RIPOR2: variants seen among roughly 807,000 people sequenced by gnomAD.
RIPOR2 encodes RHO family interacting cell polarization regulator 2.
In RIPOR2, 39 loss-of-function variants were observed where a neutral mutation model predicts 114.5. That is an observed-to-expected ratio of 0.34 (90% CI 0.26 to 0.44). RIPOR2 has a LOEUF of 0.44. Among genes scored for constraint, RIPOR2 ranks in the 20% least tolerant of loss-of-function variants. The pLI is 1.00. For synonymous variants in RIPOR2, 445 were observed against 484.4 expected, an observed-to-expected ratio of 0.92 and a Z score of 1.07; for missense variants, 1,007 against 1,255.1, an observed-to-expected ratio of 0.80 and a Z score of 2.99.
rs1477384307 is a variant in RIPOR2, at chr6:24,927,279, C to T, written c.61+8559G>A. Among the ~76,000 whole-genome samples the T allele has an allele frequency of 6.0e-4, 13 of 21,740 alleles. 2 individuals are homozygous for T. The highest frequency in any genetic ancestry group is 1.8e-3 in the African/African-American group (9 of 4,886). The allele number at this position is 21,740 out of a possible 152,430, so 14.3% of individuals were successfully genotyped here. ...CCACCACCACCACAGCTACAATCACCACCACCACCACCACCACCACCACCA... is the reference window on the plus strand; with the variant it reads ...CCACCACCACCACAGCTACAATCACTACCACCACCACCACCACCACCACCA... On this transcript the variant is annotated intron_variant, in intron 1 of 21. Coordinates refer to ENST00000643898, the MANE Select transcript of RIPOR2 (RefSeq NM_001286445.3).
intron 6 of RIPOR2, 140 bp from the exon 7 acceptor site, chr6:24,865,590 G>C (rs1248447415): frequency 1.5e-6 from 1 of 670,810 alleles, no homozygotes; most frequent in Non-Finnish European, 2.3e-6. Flanking sequence ...TTTTAGATAG[G>C]GACCAATCGT....
chr6:24,889,315 C>G (rs1767109209), intron 1 of RIPOR2, among the ~76,000 whole-genome samples: 1 of 152,160 alleles, frequency 6.6e-6, no homozygotes, highest in Non-Finnish European at 1.5e-5. Flanking sequence ...AGCCTCTATT[C>G]TGTGGTTGCA....
At chr6:24,920,973 C>T (rs1028748821) in intron 1 of RIPOR2, among the ~76,000 whole-genome samples, 5 of 152,168 alleles carry the variant, frequency 3.3e-5, no homozygotes, top group African/African-American at 2.4e-5. Context: ...CCTACCTTTT[C>T]CCCTATTCCC....
At chr6:24,907,530 C>T (rs1769115136) in intron 1 of RIPOR2, among the ~76,000 whole-genome samples, 3 of 152,076 alleles carry the variant, frequency 2.0e-5, no homozygotes, top group Middle Eastern at 3.2e-3. Flanking sequence ...AAAAACAAAA[C>T]AAAACAAGAC....
At chr6:25,015,996 T>C (rs9461090) in intron 1 of RIPOR2, among the ~76,000 whole-genome samples, 26,468 of 144,114 alleles carry the variant, frequency 0.18, 3,024 homozygotes, top group East Asian at 0.59. Flanking sequence ...CTCCACCTCC[T>C]GGGTTCAAGC....
chr6:24,809,018 C>T (rs575427778), intron 21 of RIPOR2, among the ~76,000 whole-genome samples: 100 of 152,154 alleles, frequency 6.6e-4, no homozygotes, highest in African/African-American at 2.2e-3. Flanking sequence ...CCTTGGCCTC[C>T]CAAAGTGCTG....
intron 1 of RIPOR2, among the ~76,000 whole-genome samples, chr6:24,943,073 A>G (rs1772222771): frequency 6.6e-6 from 1 of 152,196 alleles, no homozygotes; most frequent in Non-Finnish European, 1.5e-5. Context: ...TCACAGTACC[A>G]AAGACCTGGA....
chr6:24,822,136 G>C (rs1386740049), intron 19 of RIPOR2, among the ~76,000 whole-genome samples: 7 of 152,198 alleles, frequency 4.6e-5, no homozygotes, highest in Admixed American at 2.6e-4. Flanking sequence ...AGAGAAATGG[G>C]CAGGGGAAAA....
chr6:24,963,393 AC>A (rs1447329136), intron 1 of RIPOR2, among the ~76,000 whole-genome samples: 1 of 152,206 alleles, frequency 6.6e-6, no homozygotes, highest in African/African-American at 2.4e-5. Flanking sequence ...CAAATAATCC[AC>A]ACCTAGAAGA....
chr6:25,004,986 TACACACACACACACACACACACAC>T (rs58120451), intron 1 of RIPOR2, among the ~76,000 whole-genome samples: 4 of 146,532 alleles, frequency 2.7e-5, no homozygotes, highest in Admixed American at 2.0e-4. Context: ...TCAAATAGGC[TACACACACACACACACACACACAC>T]ACACACACAC....
chr6:24,872,754 G>C (rs943759494), intron 4 of RIPOR2, 127 bp downstream of exon 4: 1 of 600,138 alleles, frequency 1.7e-6, no homozygotes, highest in South Asian at 2.2e-5. Flanking sequence ...CATACTGGGG[G>C]ATGCAGATAG....
chr6:25,032,426 C>T (rs1374555536), intron 1 of RIPOR2, among the ~76,000 whole-genome samples: 1 of 152,176 alleles, frequency 6.6e-6, no homozygotes, highest in African/African-American at 2.4e-5. Context: ...GCACAAGAAC[C>T]TCTCTGGTGC....
In RIPOR2 at chr6:24,883,639, AT is replaced by A. The variant is rs1258504137; in HGVS notation, c.62-7823del. 1.3e-5 allele frequency among the ~76,000 whole-genome samples: 2 copies of A among 152,342 alleles called. No homozygotes were observed. The highest frequency in any genetic ancestry group is 1.9e-4 in the East Asian group (1 of 5,190). The stretch of plus-strand genomic sequence containing the variant: ...ACATCAATAAAGCTGTTTAAAAAAA[AT>A]CACTACCAATTTCTAGAAAAAGTCA... On this transcript the variant is annotated intron_variant, in intron 1 of 21. Transcript: ENST00000643898. This position sits in a 1 kb window ranked among gnomAD's most constrained non-coding sequence, Gnocchi z 4.1.
chr6:25,005,234 C>G (rs1004251156), intron 1 of RIPOR2, among the ~76,000 whole-genome samples: 11 of 152,122 alleles, frequency 7.2e-5, no homozygotes, highest in Non-Finnish European at 1.2e-4. Context: ...GAAGGAGGCC[C>G]TGGGGTTTTC....
chr6:25,005,738 T>TATATATATATATAC (rs34572978), intron 1 of RIPOR2, among the ~76,000 whole-genome samples: 724 of 70,644 alleles, frequency 0.01, 143 homozygotes, highest in Non-Finnish European at 0.02. Flanking sequence ...TATATATATA[T>TATATATATATATAC]ATACATTTAC....
chr6:24,877,280 T>C lies in RIPOR2; in HGVS notation c.62-1463A>G, dbSNP rs150766774. ...GAAGGACAAACAGCCTCCTCCCCCA[T>C]GTTGCTGCAGGTTTTTAAATCCCCT... On this transcript the variant is annotated intron_variant, in intron 1 of 21. Transcript: ENST00000643898. 1.9e-3 allele frequency: 1,910 copies of C among 985,258 alleles called. 25 individuals are homozygous for C. The African/African-American group carries it at 0.027, about 14-fold the overall frequency. 61.0% of individuals were successfully genotyped at this position (985,258 alleles called of 1,614,324 possible). A position where few individuals can be genotyped will look rare whatever the true frequency, so the allele number is the denominator to read the frequency against.
intron 1 of RIPOR2, among the ~76,000 whole-genome samples, chr6:24,945,130 A>G (rs1478431025): frequency 6.6e-6 from 1 of 152,132 alleles, no homozygotes; most frequent in Non-Finnish European, 1.5e-5. Context: ...CAAAATATGT[A>G]CAATTACCAT....
intron 1 of RIPOR2, among the ~76,000 whole-genome samples, chr6:24,881,813 G>A (rs1460579286): frequency 1.3e-5 from 2 of 152,076 alleles, no homozygotes; most frequent in Non-Finnish European, 2.9e-5. Flanking sequence ...AAATCAGCAG[G>A]CGGTTTTTGG....
intron 13 of RIPOR2, chr6:24,840,635 T>C: frequency 6.5e-7 from 1 of 1,531,436 alleles, no homozygotes; most frequent in Non-Finnish European, 8.7e-7. Flanking sequence ...CAGGGATCTG[T>C]CTCTGACACT....
Sources: allele counts gnomAD v4.1 joint callset (sites outside exome capture counted in the v4.1 genomes callset), GRCh38; gene constraint gnomAD v4.1.1; non-coding constraint Gnocchi (gnomAD v3.1); transcripts MANE v1.5; gene names NCBI Gene and HGNC (gene_info 2026-07-23, HGNC 2026-07-21).